The following ABL1 variants were observed in gnomAD, a reference collection of about 807,000 sequenced individuals.
The protein encoded by ABL1 is ABL proto-oncogene 1, non-receptor tyrosine kinase, also known as tyrosine-protein kinase ABL1.
A neutral mutation model predicts 94.7 loss-of-function variants in ABL1; 11 were observed. That is an observed-to-expected ratio of 0.12 (90% confidence interval 0.07 to 0.19). ABL1 has a LOEUF of 0.19. ABL1 is among the 10% of genes least tolerant of loss of function. ABL1 has a pLI of 1.00. For synonymous variants in ABL1, 656 were observed against 622.4 expected (o/e 1.05, Z -0.80); for missense variants, 1,082 against 1,489.4 (o/e 0.73, Z 4.50).
Position 130,862,976 on chromosome 9 carries a change from G to C in ABL1, c.763G>C (p.Glu255Gln). The C allele has an allele frequency of 6.2e-7, 1 of 1,614,146 alleles. No individual in the cohort carries two copies. The highest frequency in any genetic ancestry group is 8.5e-7 in the Non-Finnish European group (1 of 1,180,006). The change falls in exon 4 of 11, where the codon GAG becomes CAG. Residue 255 changes from glutamate to glutamine, a missense_variant. Glu to Gln is a conservative substitution (Grantham distance 29, BLOSUM62 2). Around this residue, in one of 7 missense-constraint regions of ABL1, gnomAD observed 92 missense variants for 212.3 expected, o/e 0.43. Transcript: ENST00000318560. The surrounding 1 kb of genome is among the most constrained non-coding windows in gnomAD (Gnocchi z 5.5). The part of the protein sequence containing the change: ...KHKLGGGQYG[E>Q]VYEGVWKKYS... ...CAAGCTGGGCGGGGGCCAGTACGGG[G>C]AGGTGTACGAGGGCGTGTGGAAGAA...
intron 1 of ABL1, among the ~76,000 whole-genome samples, chr9:130,716,072 C>CTTTTTTTTTTTTTTTTTT (rs71389339): frequency 2.2e-5 from 2 of 91,188 alleles, no homozygotes; most frequent in Non-Finnish European, 4.7e-5. Flanking sequence ...GAAAAATGTC[C>CTTTTTTTTTTTTTTTTTT]TTTTTTTTTT....
chr9:130,847,778 A>G (rs1358792563), intron 1 of ABL1, among the ~76,000 whole-genome samples: 1 of 152,214 alleles, frequency 6.6e-6, no homozygotes, highest in Non-Finnish European at 1.5e-5. Context: ...CTGTTGAATC[A>G]AAAAGCAGTG....
Position 130,862,525 on chromosome 9 carries a change from A to G in ABL1, c.550-238A>G, listed in dbSNP as rs923362755. ...GTGGGAGATTTCAGGCAGAGGGAGCAGCAGCAGGTACAGAGGCCCTGAGGC... is the reference window on the plus strand; with the variant it reads ...GTGGGAGATTTCAGGCAGAGGGAGCGGCAGCAGGTACAGAGGCCCTGAGGC... On this transcript the variant is annotated intron_variant, in intron 3 of 10. Coordinates refer to ENST00000318560, the MANE Select transcript of ABL1 (RefSeq NM_005157.6). This position sits in a 1 kb window ranked among gnomAD's most constrained non-coding sequence, Gnocchi z 5.5. 2.0e-5 allele frequency among the ~76,000 whole-genome samples: 3 copies of G among 152,218 alleles called. No homozygotes were observed. The highest frequency in any genetic ancestry group is 4.4e-5 in the Non-Finnish European group (3 of 68,036).
chr9:130,868,514 CTTTTTCTTTTTTT>C (rs891707067), intron 4 of ABL1, among the ~76,000 whole-genome samples: 5 of 129,632 alleles, frequency 3.9e-5, no homozygotes, highest in African/African-American at 1.6e-4. Context: ...TTTCTTTTTT[CTTTTTCTTTTTTT>C]TTTTTTTTTT....
intron 1 of ABL1, among the ~76,000 whole-genome samples, chr9:130,751,129 CTTTTTTTTTT>C (rs60206110): frequency 1.6e-3 from 92 of 57,470 alleles, no homozygotes; most frequent in African/African-American, 6.3e-3. Context: ...TTTTATTCAG[CTTTTTTTTTT>C]TTTTTTTTTT....
chr9:130,794,609 ATT>A (rs1829950219), intron 1 of ABL1, among the ~76,000 whole-genome samples: 2 of 152,160 alleles, frequency 1.3e-5, no homozygotes, highest in African/African-American at 4.8e-5. Flanking sequence ...TCTCAACTGC[ATT>A]GTTTTGATTA....
intron 4 of ABL1, among the ~76,000 whole-genome samples, chr9:130,870,930 C>G (rs532732986): frequency 6.6e-6 from 1 of 152,318 alleles, no homozygotes; most frequent in African/African-American, 2.4e-5. Context: ...AAGCCTCCCC[C>G]ACAGCAGGGT....
In ABL1 at chr9:130,884,023, G is replaced by T. The variant is rs1307111961; in HGVS notation, c.1733G>T (p.Gly578Val). The change falls in exon 11 of 11, where the codon GGT becomes GTT. Residue 578 changes from glycine to valine, a missense_variant. Gly to Val is a moderately radical substitution (Grantham distance 109, BLOSUM62 -3). This residue lies in a region of ABL1 where 780 missense variants were observed against 835.8 expected (regional missense o/e 0.93). Transcript: ENST00000318560. The surrounding 1 kb of genome is among the most constrained non-coding windows in gnomAD (Gnocchi z 5.6). ...CCATTGCTCCCTCGAAAAGAGCGAG[G>T]TCCCCCGGAGGGCGGCCTGAATGAA... ...VSPLLPRKER[G>V]PPEGGLNEDE... The T allele has an allele frequency of 6.2e-7, 1 of 1,613,886 alleles. No homozygotes were observed. Among genetic ancestry groups the T allele is most frequent in the South Asian group, 1.1e-5 (1 of 91,084 alleles).
chr9:130,779,338 G>A (rs894828251), intron 1 of ABL1, among the ~76,000 whole-genome samples: 7 of 152,216 alleles, frequency 4.6e-5, no homozygotes. Context: ...CAGCAGCACA[G>A]TTTAATAACA....
At position 130,750,227 on chromosome 9, in the gene ABL1, A is replaced by ATC. The variant is rs1554759831; in HGVS notation, c.136+35773_136+35774insCT. The stretch of plus-strand genomic sequence containing the variant: ...TATATATATATATATATATATATAT[A>ATC]TATATATATCCAAGTATAAGTATAT... On this transcript the variant is annotated intron_variant, in intron 1 of 10. Coordinates refer to the ABL1 transcript ENST00000372348. Among the ~76,000 whole-genome samples the ATC allele has an allele frequency of 9.0e-5, 12 of 132,920 alleles. No homozygotes were observed. In the South Asian group the frequency reaches 1.2e-3, roughly 13 times the overall value. 87.2% of individuals were successfully genotyped at this position (132,920 alleles called of 152,430 possible).
chr9:130,719,714 C>T (rs147695016), intron 1 of ABL1, among the ~76,000 whole-genome samples: 205 of 152,168 alleles, frequency 1.3e-3, no homozygotes, highest in African/African-American at 4.7e-3. Flanking sequence ...AGATTGTTTG[C>T]GATCTTTCAT....
chr9:130,799,933 C>T (rs144612515), intron 1 of ABL1, among the ~76,000 whole-genome samples: 2,695 of 151,648 alleles, frequency 0.018, 81 homozygotes, highest in African/African-American at 0.061. Context: ...AGTGCAGTGG[C>T]GCAATCTCGG....
In ABL1 at chr9:130,835,814, G is replaced by A. The variant is rs574154529; in HGVS notation, c.79+289G>A. Among the ~76,000 whole-genome samples, 1 of 152,306 alleles carries A rather than the reference G, an allele frequency of 6.6e-6. No homozygotes were observed. Among genetic ancestry groups the A allele is most frequent in the East Asian group, 1.9e-4 (1 of 5,184 alleles). On this transcript the variant is annotated intron_variant, in intron 1 of 10. Coordinates refer to ENST00000318560, the MANE Select transcript of ABL1 (RefSeq NM_005157.6). The surrounding 1 kb of genome is among the most constrained non-coding windows in gnomAD (Gnocchi z 4.6). ...CCCCTAGGCGCCGCCGGCGGAGCGT[G>A]GCCCCCAGCCCCGGCACCAGCCCCG...
intron 3 of ABL1, among the ~76,000 whole-genome samples, chr9:130,861,168 G>A (rs1208943443): frequency 6.6e-6 from 1 of 152,196 alleles, no homozygotes; most frequent in African/African-American, 2.4e-5. Flanking sequence ...ATAAGCCAGT[G>A]TCCCCAGGCC....
intron 1 of ABL1, among the ~76,000 whole-genome samples, chr9:130,748,737 C>T (rs1382496340): frequency 3.3e-5 from 5 of 152,052 alleles, no homozygotes; most frequent in Admixed American, 6.6e-5. Context: ...CACTGCTGCC[C>T]GGCTAATTTT....
intron 1 of ABL1, among the ~76,000 whole-genome samples, chr9:130,783,392 C>A (rs1829783069): frequency 6.6e-6 from 1 of 152,176 alleles, no homozygotes; most frequent in African/African-American, 2.4e-5. Flanking sequence ...TTAGGGAGTG[C>A]ATCCTTTGCT....
At chr9:130,752,668 C>A (rs1831980747) in intron 1 of ABL1, among the ~76,000 whole-genome samples, 1 of 152,044 alleles carries the variant, frequency 6.6e-6, no homozygotes, top group Admixed American at 6.6e-5. Flanking sequence ...GTTAAGAATA[C>A]CCCTTGGTGG....
At position 130,808,246 on chromosome 9, in the gene ABL1, TC is replaced by T. The variant is rs1440907617; in HGVS notation, c.137-45817del. 6.4e-3 allele frequency among the ~76,000 whole-genome samples: 649 copies of T among 100,710 alleles called. 1 individual carries two copies. The highest frequency in any genetic ancestry group is 0.026 in the African/African-American group (508 of 19,850). The allele number at this position is 100,710 out of a possible 152,430, so 66.1% of individuals were successfully genotyped here. On this transcript the variant is annotated intron_variant, in intron 1 of 10. Transcript: ENST00000372348. ...TTCTTCTTCTTCTTCTTCTTCTTCTTCTTTTTTTTTTTTTTGAAATGGAGTC... is the reference window on the plus strand; with the variant it reads ...TTCTTCTTCTTCTTCTTCTTCTTCTTTTTTTTTTTTTTTTGAAATGGAGTC...
At chr9:130,852,690 G>A (rs894169201) in intron 1 of ABL1, among the ~76,000 whole-genome samples, 6 of 152,176 alleles carry the variant, frequency 3.9e-5, no homozygotes, top group East Asian at 1.9e-4. Flanking sequence ...AAAAAAAAAG[G>A]CAAGAAGAAA....
Sources: allele counts gnomAD v4.1 joint callset (sites outside exome capture counted in the v4.1 genomes callset), GRCh38; gene constraint gnomAD v4.1.1; regional missense constraint gnomAD v4.1.1; non-coding constraint Gnocchi (gnomAD v3.1); transcripts MANE v1.5; gene names NCBI Gene and HGNC (gene_info 2026-07-23, HGNC 2026-07-21).